Variants in CAPZB observed in about 807,000 individuals in gnomAD.
CAPZB encodes F-actin-capping protein subunit beta.
CAPZB carries 2 observed loss-of-function variants against 38.1 expected under a neutral mutation model. That is an observed-to-expected ratio of 0.05 (90% CI 0.02 to 0.17). CAPZB has a LOEUF of 0.17. CAPZB is among the 10% of genes least tolerant of loss of function. The pLI is 1.00. For synonymous variants in CAPZB, 107 were observed against 127.4 expected (o/e 0.84, Z 1.08); for missense variants, 161 against 334.2 (o/e 0.48, Z 4.04).
At chr1:19,349,612 C>T (rs957258960) in intron 6 of CAPZB, among the ~76,000 whole-genome samples, 5 of 152,152 alleles carry the variant, frequency 3.3e-5, no homozygotes, top group East Asian at 3.9e-4. Flanking sequence ...AACAAACAGG[C>T]GAAACCCCTT....
intron 1 of CAPZB, among the ~76,000 whole-genome samples, chr1:19,478,723 T>C (rs924044194): frequency 6.6e-6 from 1 of 152,106 alleles, no homozygotes; most frequent in African/African-American, 2.4e-5. Flanking sequence ...TCAGATGGCA[T>C]ATTCTATTAG....
rs1558189927 is a variant in CAPZB, at chr1:19,366,311, A to ATATATATATATATATATATATAT, written c.330-8749_330-8748insATATATATATATATATATATATA. On this transcript the variant is annotated intron_variant, in intron 4 of 8. Coordinates refer to ENST00000264202, the MANE Select transcript of CAPZB (RefSeq NM_004930.5). ...ATATATATATATATATATATATATA[A>ATATATATATATATATATATATAT]ATAAAATAAATGGTCATGAGGGACA... is the stretch of plus-strand genomic sequence containing the variant. 1.8e-3 allele frequency among the ~76,000 whole-genome samples: 111 copies of ATATATATATATATATATATATAT among 63,142 alleles called. 4 individuals are homozygous for ATATATATATATATATATATATAT. The highest frequency in any genetic ancestry group is 5.4e-3 in the African/African-American group (83 of 15,368). 41.4% of individuals were successfully genotyped at this position (63,142 alleles called of 152,430 possible). A position where few individuals can be genotyped will look rare whatever the true frequency, so the allele number is the denominator to read the frequency against.
intron 4 of CAPZB, among the ~76,000 whole-genome samples, chr1:19,371,759 C>T (rs574019337): frequency 6.6e-6 from 1 of 152,232 alleles, no homozygotes; most frequent in African/African-American, 2.4e-5. Flanking sequence ...TCCACACTCA[C>T]GTCCCGAGGA....
intron 4 of CAPZB, among the ~76,000 whole-genome samples, chr1:19,364,401 C>T (rs1332179141): frequency 1.3e-5 from 2 of 152,202 alleles, no homozygotes; most frequent in African/African-American, 4.8e-5. Context: ...TCATTACATT[C>T]CTGAGGCAAA....
At chr1:19,436,505 G>A (rs1331766881) in intron 1 of CAPZB, among the ~76,000 whole-genome samples, 2 of 152,194 alleles carry the variant, frequency 1.3e-5, no homozygotes, top group Non-Finnish European at 2.9e-5. Context: ...AAAACTATAT[G>A]CGGAGACTAA....
intron 1 of CAPZB, among the ~76,000 whole-genome samples, chr1:19,483,138 C>T (rs2094636318): frequency 6.6e-6 from 1 of 152,200 alleles, no homozygotes; most frequent in Non-Finnish European, 1.5e-5. Flanking sequence ...ATGCCTGTAT[C>T]ACCATACAGC....
At chr1:19,383,747 C>G (rs1405065282) in intron 3 of CAPZB, among the ~76,000 whole-genome samples, 1 of 152,120 alleles carries the variant, frequency 6.6e-6, no homozygotes, top group East Asian at 1.9e-4. Flanking sequence ...TACCTGGTAT[C>G]TCCACTTTGA....
chr1:19,423,429 G>T (rs1359091590), intron 1 of CAPZB, among the ~76,000 whole-genome samples: 1 of 151,934 alleles, frequency 6.6e-6, no homozygotes, highest in Non-Finnish European at 1.5e-5. Context: ...GGAACGATGG[G>T]GACAGAGGGA....
At chr1:19,353,871 C>T (rs1431658658) in intron 6 of CAPZB, among the ~76,000 whole-genome samples, 1 of 152,248 alleles carries the variant, frequency 6.6e-6, no homozygotes, top group Non-Finnish European at 1.5e-5. Context: ...CCGTGTGCGG[C>T]TCTGCAGGGT....
At chr1:19,379,321 A>T (rs1431711440) in intron 3 of CAPZB, among the ~76,000 whole-genome samples, 1 of 151,310 alleles carries the variant, frequency 6.6e-6, no homozygotes, top group Non-Finnish European at 1.5e-5. Flanking sequence ...CTGGTCTCAA[A>T]CTCCTGGCCT....
At chr1:19,341,604 G>A (rs1047890954) in intron 8 of CAPZB, among the ~76,000 whole-genome samples, 3 of 152,212 alleles carry the variant, frequency 2.0e-5, no homozygotes, top group Non-Finnish European at 4.4e-5. Context: ...TCTGTGGGAG[G>A]GAGGAGTCAT....
intron 2 of CAPZB, among the ~76,000 whole-genome samples, chr1:19,407,455 G>C (rs567704600): frequency 5.3e-4 from 81 of 152,266 alleles, no homozygotes; most frequent in South Asian, 1.5e-3. Flanking sequence ...GTACCTGGGG[G>C]GAGACTAGAG....
At chr1:19,416,006 G>T (rs1214393109) in intron 2 of CAPZB, among the ~76,000 whole-genome samples, 2 of 152,226 alleles carry the variant, frequency 1.3e-5, no homozygotes, top group Non-Finnish European at 2.9e-5. Context: ...CTGGCCTCTT[G>T]TTCAGCCTCT....
At chr1:19,479,111 G>A (rs1193289388) in intron 1 of CAPZB, among the ~76,000 whole-genome samples, 2 of 152,210 alleles carry the variant, frequency 1.3e-5, no homozygotes, top group African/African-American at 2.4e-5. Flanking sequence ...TTGGGAGGCT[G>A]AGGCAAGAGA....
At chr1:19,341,767 G>A (rs920440037) in intron 8 of CAPZB, among the ~76,000 whole-genome samples, 7 of 152,218 alleles carry the variant, frequency 4.6e-5, no homozygotes, top group African/African-American at 4.8e-5. Context: ...GACCCGAGTC[G>A]TGGGCCTTAA....
intron 2 of CAPZB, among the ~76,000 whole-genome samples, chr1:19,396,087 C>T (rs1029196233): frequency 2.0e-5 from 3 of 152,232 alleles, no homozygotes; most frequent in African/African-American, 4.8e-5. Flanking sequence ...CCCAAAGCCG[C>T]GACGGCAGAG....
At chr1:19,468,308 C>CTCT (rs1164878896) in intron 1 of CAPZB, among the ~76,000 whole-genome samples, 3 of 152,158 alleles carry the variant, frequency 2.0e-5, no homozygotes, top group African/African-American at 7.2e-5. Flanking sequence ...ACACAATAAA[C>CTCT]TTTTATTTAA....
Position 19,365,134 on chromosome 1 carries a change from G to A in CAPZB, c.330-7571C>T, listed in dbSNP as rs974997126. On this transcript the variant is annotated intron_variant, in intron 4 of 8. Coordinates refer to ENST00000264202, the MANE Select transcript of CAPZB (RefSeq NM_004930.5). ...GCTGGGATTATAGGCATAAGTCACC[G>A]TGTACAGCTGAATATTTTTTCTTAT... Among the ~76,000 whole-genome samples, 45 of 152,070 alleles carry A rather than the reference G, an allele frequency of 3.0e-4. 1 individual carries two copies. Among genetic ancestry groups the A allele is most frequent in the African/African-American group, 4.8e-5 (2 of 41,416 alleles).
At chr1:19,409,387 CATGA>C (rs1282475858) in intron 2 of CAPZB, among the ~76,000 whole-genome samples, 1 of 152,072 alleles carries the variant, frequency 6.6e-6, no homozygotes, top group Non-Finnish European at 1.5e-5. Flanking sequence ...AACAGTCATC[CATGA>C]AGGAGGCTTT....
Sources: gnomAD v4.1 joint callset for allele counts (sites outside exome capture counted in the v4.1 genomes callset) on GRCh38, gnomAD v4.1.1 for gene constraint, MANE v1.5 for transcripts, NCBI Gene and HGNC (gene_info 2026-07-23, HGNC 2026-07-21) for gene names.